Variants in SORCS2 observed in about 807,000 individuals in gnomAD.
SORCS2 encodes sortilin related VPS10 domain containing receptor 2.
SORCS2 carries 100 observed loss-of-function variants against 141.6 expected under a neutral mutation model. The ratio of observed to expected loss-of-function variants is 0.71; its 90% CI spans 0.60 to 0.83. The LOEUF (loss-of-function observed/expected upper bound fraction) is 0.83. Ranked by LOEUF, SORCS2 falls within the 40% of genes least tolerant of loss-of-function variation. The pLI is 0.00. For missense variants in SORCS2, 1,646 were observed against 1,560.2 expected (o/e 1.05, Z -0.93); for synonymous variants, 789 against 676.9 (o/e 1.17, Z -2.57).
chr4:7,303,242 C>A (rs17755801), intron 1 of SORCS2, among the ~76,000 whole-genome samples: 35,650 of 152,196 alleles, frequency 0.23, 4,604 homozygotes, highest in Non-Finnish European at 0.29. Flanking sequence ...AATATCTAAA[C>A]CACTGAGGCG....
At chr4:7,461,997 T>C (rs1281865955) in intron 2 of SORCS2, among the ~76,000 whole-genome samples, 2 of 152,206 alleles carry the variant, frequency 1.3e-5, no homozygotes, top group African/African-American at 2.4e-5. Flanking sequence ...AGGCACCGCA[T>C]CAGGCTCACC....
At chr4:7,379,204 C>A (rs1006403750) in intron 1 of SORCS2, among the ~76,000 whole-genome samples, 2 of 152,166 alleles carry the variant, frequency 1.3e-5, no homozygotes, top group African/African-American at 4.8e-5. Context: ...AAGGAGGATC[C>A]TTTCAGAAAT....
At chr4:7,273,491 C>T (rs547640763) in intron 1 of SORCS2, among the ~76,000 whole-genome samples, 53 of 152,088 alleles carry the variant, frequency 3.5e-4, no homozygotes, top group Non-Finnish European at 6.6e-4. Flanking sequence ...AGAAAGGAGG[C>T]TGAGGCAGAG....
At chr4:7,262,970 G>T (rs1184221233) in intron 1 of SORCS2, among the ~76,000 whole-genome samples, 1 of 152,206 alleles carries the variant, frequency 6.6e-6, no homozygotes, top group South Asian at 2.1e-4. Context: ...TACGACTGAG[G>T]TCTCTGCCCA....
At chr4:7,645,476 T>G (rs995728943) in intron 4 of SORCS2, among the ~76,000 whole-genome samples, 1 of 151,920 alleles carries the variant, frequency 6.6e-6, no homozygotes, top group Admixed American at 6.5e-5. Context: ...CATGTATGTG[T>G]GTACATGTGT....
At chr4:7,551,395 T>C (rs998718313) in intron 3 of SORCS2, among the ~76,000 whole-genome samples, 7 of 152,162 alleles carry the variant, frequency 4.6e-5, no homozygotes, top group Admixed American at 2.0e-4. Context: ...GATCCTACCA[T>C]TGAGAAATTC....
Position 7,451,391 on chromosome 4 carries a change from G to A in SORCS2, c.548+55036G>A, listed in dbSNP as rs530356538. On this transcript the variant is annotated intron_variant, in intron 2 of 26. Coordinates refer to ENST00000507866, the MANE Select transcript of SORCS2 (RefSeq NM_020777.3). ...TCCCTTGGCCTCAGTTTCCCATCAA[G>A]GGATGAGAAATGGTTTCCAGATTCC... Among the ~76,000 whole-genome samples the A allele has an allele frequency of 4.6e-5, 7 of 152,370 alleles. No homozygotes were observed. In the South Asian group the frequency reaches 8.3e-4, roughly 18 times the overall value.
chr4:7,312,472 T>C (rs768080439), intron 1 of SORCS2, among the ~76,000 whole-genome samples: 13 of 147,808 alleles, frequency 8.8e-5, no homozygotes, highest in Non-Finnish European at 1.8e-4. Context: ...CCCTTTCTGT[T>C]CTGTTTCTCA....
intron 2 of SORCS2, among the ~76,000 whole-genome samples, chr4:7,403,983 ATATATATATATATATTTTT>A (rs1351208023): frequency 9.9e-5 from 2 of 20,236 alleles, no homozygotes; most frequent in South Asian, 1.1e-3. Flanking sequence ...ATATATATAT[ATATATATATATATATTTTT>A]TTTTTTTTTT....
chr4:7,467,113 T>C (rs1729665546), intron 2 of SORCS2, among the ~76,000 whole-genome samples: 1 of 151,786 alleles, frequency 6.6e-6, no homozygotes, highest in African/African-American at 2.4e-5. Flanking sequence ...CAGCCTGGCG[T>C]CCCCCCAGGC....
chr4:7,721,417 G>T (rs1056062436), intron 18 of SORCS2, among the ~76,000 whole-genome samples: 5 of 152,124 alleles, frequency 3.3e-5, no homozygotes, highest in Non-Finnish European at 5.9e-5. Flanking sequence ...AGTGAGCCAA[G>T]ATCCCACCAC....
intron 14 of SORCS2, among the ~76,000 whole-genome samples, chr4:7,704,585 C>T (rs1725297715): frequency 6.6e-6 from 1 of 152,354 alleles, no homozygotes; most frequent in African/African-American, 2.4e-5. Flanking sequence ...CATCATAGGG[C>T]AGAGCTGGCT....
chr4:7,418,224 C>T (rs537809224), intron 2 of SORCS2, among the ~76,000 whole-genome samples: 1 of 152,204 alleles, frequency 6.6e-6, no homozygotes, highest in Non-Finnish European at 1.5e-5. Flanking sequence ...CAGCCTCTGT[C>T]CCCATGGGGC....
chr4:7,231,084 G>A (rs1577302661), intron 1 of SORCS2, among the ~76,000 whole-genome samples: 1 of 152,352 alleles, frequency 6.6e-6, no homozygotes, highest in East Asian at 1.9e-4. Context: ...CTATGACAGA[G>A]GTTTGTTATA....
Position 7,711,951 on chromosome 4 carries a change from G to T in SORCS2, c.1869-782G>T, listed in dbSNP as rs536881268. Among the ~76,000 whole-genome samples, 10 of 152,062 alleles carry T rather than the reference G, an allele frequency of 6.6e-5. No homozygotes were observed. The South Asian group carries it at 2.1e-3, about 32-fold the overall frequency. On this transcript the variant is annotated intron_variant, in intron 14 of 26. Transcript: ENST00000507866. Reference sequence around the variant, plus strand: ...CCCTTCTCGGTCATGGAGCTACCTGGGCTGAGGGTCCTCAGCCACACTCAG... The same window carrying T: ...CCCTTCTCGGTCATGGAGCTACCTGTGCTGAGGGTCCTCAGCCACACTCAG...
chr4:7,528,175 G>A (rs1284262724), intron 2 of SORCS2, among the ~76,000 whole-genome samples: 3 of 152,082 alleles, frequency 2.0e-5, no homozygotes, highest in Non-Finnish European at 2.9e-5. Flanking sequence ...TACTCAGTAT[G>A]CACACATCAT....
Position 7,474,091 on chromosome 4 carries a change from GGACTCT to G in SORCS2, c.549-57437_549-57432del, listed in dbSNP as rs111695491. Among the ~76,000 whole-genome samples, 309 of 152,282 alleles carry G rather than the reference GGACTCT, an allele frequency of 2.0e-3. 1 individual carries two copies. Among genetic ancestry groups the G allele is most frequent in the African/African-American group, 7.2e-3 (299 of 41,532 alleles). On this transcript the variant is annotated intron_variant, in intron 2 of 26. Coordinates refer to ENST00000507866, the MANE Select transcript of SORCS2 (RefSeq NM_020777.3). ...TTGATGGCCTCCCCCTCAGAGCTGG[GGACTCT>G]GTGGTTGTCTTTGCTCACCCCCGTG...
chr4:7,633,740 G>T (rs1025323363), intron 3 of SORCS2, among the ~76,000 whole-genome samples: 2 of 152,188 alleles, frequency 1.3e-5, no homozygotes, highest in Admixed American at 6.5e-5. Flanking sequence ...CTTAGGAGTC[G>T]CAGACTGAGA....
intron 3 of SORCS2, among the ~76,000 whole-genome samples, chr4:7,573,490 G>C (rs1017145598): frequency 1.1e-4 from 17 of 152,060 alleles, no homozygotes; most frequent in Non-Finnish European, 2.1e-4. Context: ...TTAGTTTCTT[G>C]GTGTGTTCTG....
Sources: gnomAD v4.1 joint callset for allele counts (sites outside exome capture counted in the v4.1 genomes callset) on GRCh38, gnomAD v4.1.1 for gene constraint, MANE v1.5 for transcripts, NCBI Gene and HGNC (gene_info 2026-07-23, HGNC 2026-07-21) for gene names.